VPS13B: variants seen among roughly 807,000 people sequenced by gnomAD.
The protein encoded by VPS13B is vacuolar protein sorting 13 homolog B.
Under a neutral mutation model 426.4 loss-of-function variants are expected in VPS13B, and 285 were observed. The ratio of observed to expected loss-of-function variants is 0.67; its 90% CI spans 0.61 to 0.74. The LOEUF is 0.74. Ranked by LOEUF, VPS13B falls within the 30% of genes least tolerant of loss-of-function variation. The pLI is 0.00. For synonymous variants in VPS13B, 1,676 were observed against 1,676.4 expected (o/e 1.00, Z 0.01); for missense variants, 4,537 against 4,782.6 (o/e 0.95, Z 1.51).
intron 23 of VPS13B, among the ~76,000 whole-genome samples, chr8:99,442,962 T>C (rs1817747251): frequency 6.6e-6 from 1 of 152,138 alleles, no homozygotes; most frequent in South Asian, 2.1e-4. Flanking sequence ...TAGATTGATC[T>C]TAATTTAAGT....
At chr8:99,772,869 C>T (rs1397925201) in intron 40 of VPS13B, among the ~76,000 whole-genome samples, 1 of 152,136 alleles carries the variant, frequency 6.6e-6, no homozygotes, top group Non-Finnish European at 1.5e-5. Flanking sequence ...AGCACTCTCA[C>T]GGGATGGACA....
chr8:99,081,400 T>C (rs1845447385), intron 3 of VPS13B, among the ~76,000 whole-genome samples: 1 of 152,192 alleles, frequency 6.6e-6, no homozygotes, highest in African/African-American at 2.4e-5. Flanking sequence ...TTTTTTCTTT[T>C]TATTGGAAAT....
chr8:99,869,861 A>T (rs1457417782), intron 59 of VPS13B, among the ~76,000 whole-genome samples: 1 of 152,242 alleles, frequency 6.6e-6, no homozygotes, highest in East Asian at 1.9e-4. Context: ...TCGTTTGTAA[A>T]CATTTACAAG....
intron 19 of VPS13B, among the ~76,000 whole-genome samples, chr8:99,380,127 C>T (rs1380321000): frequency 2.6e-5 from 4 of 152,038 alleles, no homozygotes; most frequent in Admixed American, 1.3e-4. Context: ...CTGTATATAT[C>T]GTACTACTTT....
At position 99,157,221 on chromosome 8, in the gene VPS13B, A is replaced by G. The variant is rs374616853; in HGVS notation, c.2208+478A>G. Among the ~76,000 whole-genome samples, 36 of 150,576 alleles carry G rather than the reference A, an allele frequency of 2.4e-4. No homozygotes were observed. In the South Asian group the frequency reaches 7.5e-3, roughly 32 times the overall value. On this transcript the variant is annotated intron_variant, in intron 15 of 61. Transcript: ENST00000357162. The stretch of plus-strand genomic sequence containing the variant: ...AAATACAGGCATATGCCATTTTATC[A>G]TGCATTACTTTATTGTACTTCATAG...
At chr8:99,795,385 A>G (rs998410650) in intron 43 of VPS13B, among the ~76,000 whole-genome samples, 1 of 152,140 alleles carries the variant, frequency 6.6e-6, no homozygotes, top group African/African-American at 2.4e-5. Context: ...AATCTCTCTG[A>G]AGTATGTAGA....
intron 6 of VPS13B, 97 bp downstream of exon 6, chr8:99,111,376 C>A: frequency 3.0e-6 from 3 of 1,015,364 alleles, no homozygotes; most frequent in Non-Finnish European, 4.3e-6. Flanking sequence ...AAGAAATTAA[C>A]CTTGTAAATA....
At chr8:99,312,574 G>A (rs761118350) in intron 19 of VPS13B, among the ~76,000 whole-genome samples, 8 of 152,122 alleles carry the variant, frequency 5.3e-5, no homozygotes, top group African/African-American at 1.7e-4. Flanking sequence ...GTGGGTAACC[G>A]GACCTTTCTC....
intron 33 of VPS13B, among the ~76,000 whole-genome samples, chr8:99,613,440 C>CCTGT (rs1184502552): frequency 6.6e-6 from 1 of 152,196 alleles, no homozygotes; most frequent in Non-Finnish European, 1.5e-5. Context: ...TATCCATTCA[C>CCTGT]CTGTCCCTTA....
chr8:99,792,624 C>T (rs959293654), intron 43 of VPS13B, among the ~76,000 whole-genome samples: 1 of 152,058 alleles, frequency 6.6e-6, no homozygotes, highest in African/African-American at 2.4e-5. Flanking sequence ...GCCTCCAGAA[C>T]CGGAAGATGG....
intron 51 of VPS13B, among the ~76,000 whole-genome samples, chr8:99,831,076 CTTT>C (rs773817774): frequency 3.3e-5 from 4 of 120,066 alleles, no homozygotes; most frequent in South Asian, 2.7e-4. Flanking sequence ...GTGTTTTTTT[CTTT>C]TTTTTTTTTT....
chr8:99,219,848 C>T (rs1815605053), intron 17 of VPS13B, among the ~76,000 whole-genome samples: 1 of 152,188 alleles, frequency 6.6e-6, no homozygotes, highest in Admixed American at 6.5e-5. Flanking sequence ...AGGATGGCTG[C>T]CACTTTTTCA....
intron 36 of VPS13B, among the ~76,000 whole-genome samples, chr8:99,708,778 T>A (rs1480155764): frequency 2.0e-5 from 3 of 152,092 alleles, no homozygotes; most frequent in Non-Finnish European, 4.4e-5. Flanking sequence ...CCACATATCA[T>A]TTCTTCCTGT....
At chr8:99,216,621 A>G (rs1815405200) in intron 17 of VPS13B, among the ~76,000 whole-genome samples, 1 of 151,546 alleles carries the variant, frequency 6.6e-6, no homozygotes, top group African/African-American at 2.4e-5. Flanking sequence ...TTAATAATTC[A>G]AATTTACCCT....
intron 61 of VPS13B, among the ~76,000 whole-genome samples, chr8:99,872,941 T>C (rs1216900666): frequency 6.6e-6 from 1 of 152,194 alleles, no homozygotes; most frequent in Non-Finnish European, 1.5e-5. Flanking sequence ...AAGCTAGGGT[T>C]TGGCACCAGG....
At chr8:99,703,963 T>C (rs1832395042) in intron 36 of VPS13B, among the ~76,000 whole-genome samples, 1 of 152,096 alleles carries the variant, frequency 6.6e-6, no homozygotes, top group Admixed American at 6.6e-5. Context: ...GAAAATAGAA[T>C]ATGAGCAAGT....
intron 22 of VPS13B, among the ~76,000 whole-genome samples, chr8:99,437,671 T>C (rs1385114816): frequency 1.3e-5 from 2 of 152,080 alleles, no homozygotes; most frequent in African/African-American, 4.8e-5. Context: ...GGAGCCGAGA[T>C]TGCGCCACTG....
At chr8:99,233,978 G>C in intron 17 of VPS13B, 1 of 780,552 alleles carries the variant, frequency 1.3e-6, no homozygotes. Context: ...CCGGGACTGG[G>C]TCTGCTCAGT....
chr8:99,780,730 A>C (rs1000021040), intron 42 of VPS13B, among the ~76,000 whole-genome samples: 1 of 152,144 alleles, frequency 6.6e-6, no homozygotes, highest in African/African-American at 2.4e-5. Context: ...GTTTCCTCTC[A>C]TGTCAAGGGT....
Sources: allele counts gnomAD v4.1 joint callset (sites outside exome capture counted in the v4.1 genomes callset), GRCh38; gene constraint gnomAD v4.1.1; transcripts MANE v1.5; gene names NCBI Gene and HGNC (gene_info 2026-07-23, HGNC 2026-07-21).